The following CR1 variants were observed in gnomAD, a reference collection of about 807,000 sequenced individuals.
CR1 encodes the protein complement receptor type 1.
CR1 carries 116 observed loss-of-function variants against 187.3 expected under a neutral mutation model. That is an observed-to-expected ratio of 0.62 (90% CI 0.53 to 0.72). The LOEUF is 0.72. Ranked by LOEUF, CR1 falls within the 30% of genes least tolerant of loss-of-function variation. The pLI is 0.00. For missense variants in CR1, 1,731 were observed against 2,110.7 expected (o/e 0.82, Z 3.52); for synonymous variants, 576 against 747.1 (o/e 0.77, Z 3.73).
At chr1:207,581,523 T>G in intron 31 of CR1, among the ~76,000 whole-genome samples, 1 of 149,122 alleles carries the variant, frequency 6.7e-6, no homozygotes, top group East Asian at 1.9e-4. Context: ...ATTCTAGGGG[T>G]TGTTAAGAAA....
At chr1:207,605,066 C>T (rs1297424362) in intron 35 of CR1, among the ~76,000 whole-genome samples, 1 of 152,006 alleles carries the variant, frequency 6.6e-6, no homozygotes, top group Admixed American at 6.6e-5. Context: ...AGAAACTAGG[C>T]TGGGCAAAAT....
rs530217946 is a variant in CR1, at chr1:207,618,715, G to A, written c.7066+468G>A. ...GAAGATGAAGGATGTACTGATGGCT[G>A]GGCAGAAAAAGAAAGTAAAACAAAG... On this transcript the variant is annotated intron_variant, in intron 42 of 46. Coordinates refer to ENST00000367049, the MANE Select transcript of CR1 (RefSeq NM_000651.6). Among the ~76,000 whole-genome samples, 259 of 152,106 alleles carry A rather than the reference G, an allele frequency of 1.7e-3. 1 individual carries two copies. Among genetic ancestry groups the A allele is most frequent in the African/African-American group, 5.9e-3 (243 of 41,486 alleles).
At chr1:207,637,994 T>C (rs907231200) in intron 46 of CR1, among the ~76,000 whole-genome samples, 2 of 152,256 alleles carry the variant, frequency 1.3e-5, no homozygotes, top group African/African-American at 4.8e-5. Flanking sequence ...CTGTTCTTTT[T>C]ACCAGTAAAA....
At chr1:207,567,555 C>T (rs375672780) in intron 24 of CR1, among the ~76,000 whole-genome samples, 6 of 150,280 alleles carry the variant, frequency 4.0e-5, no homozygotes, top group South Asian at 2.1e-4. Flanking sequence ...TATTTTTCTT[C>T]TTCAAATGTT....
rs750099956 is a variant in CR1 at position 207,618,263 on chromosome 1, G to A, written c.7066+16G>A. 69 of 1,610,938 alleles carry A rather than the reference G, an allele frequency of 4.3e-5. No individual in the cohort carries two copies. Among genetic ancestry groups the A allele is most frequent in the Non-Finnish European group, 5.8e-5 (68 of 1,178,068 alleles). On this transcript the variant is annotated intron_variant, in intron 42 of 46. Transcript: ENST00000367049. Reference sequence around the variant, plus strand: ...TATTGCAAAGGTGACTTATTTCTTGGTATTCCTTATTCTTGCTGGGTTGTA... The same window carrying A: ...TATTGCAAAGGTGACTTATTTCTTGATATTCCTTATTCTTGCTGGGTTGTA...
chr1:207,593,286 G>C lies in CR1; in HGVS notation c.5810+4512G>C, dbSNP rs566838471. Among the ~76,000 whole-genome samples, 250 of 152,074 alleles carry C rather than the reference G, an allele frequency of 1.6e-3. 3 individuals carry two copies. The highest frequency in any genetic ancestry group is 6.0e-3 in the African/African-American group (247 of 41,494). On this transcript the variant is annotated intron_variant, in intron 35 of 46. Transcript: ENST00000367049. ...TATAGACCAATGGAACAGAACAGAG[G>C]CCTCAGAAATAATGCCACACATCTA... is the stretch of plus-strand genomic sequence containing the variant.
At chr1:207,518,798 C>G (rs1006067928) in intron 4 of CR1, among the ~76,000 whole-genome samples, 1 of 152,186 alleles carries the variant, frequency 6.6e-6, no homozygotes, top group Non-Finnish European at 1.5e-5. Context: ...CCAGAATGGT[C>G]ACAGCTCGAG....
chr1:207,611,639 C>T (rs769324403), intron 37 of CR1, 38 bp from the exon 38 acceptor site: 2 of 1,609,452 alleles, frequency 1.2e-6, no homozygotes, highest in Non-Finnish European at 1.7e-6. Context: ...GAAATTGCCC[C>T]ATATCTAACA....
At chr1:207,608,227 G>A (rs867244524) in intron 36 of CR1, among the ~76,000 whole-genome samples, 52 of 152,104 alleles carry the variant, frequency 3.4e-4, no homozygotes, top group African/African-American at 2.4e-4. Context: ...TCAGTTTTTC[G>A]GAAAGGTAAA....
chr1:207,611,989 C>T lies in CR1; in HGVS notation c.6523C>T (p.Leu2175Phe), dbSNP rs765521072. 1.2e-5 allele frequency: 20 copies of T among 1,613,890 alleles called. No individual in the cohort carries two copies. Among genetic ancestry groups the T allele is most frequent in the Non-Finnish European group, 1.7e-5 (20 of 1,179,910 alleles). Residue 2175 changes from leucine (L) to phenylalanine (F), a missense_variant, in exon 39 of 47, where the codon CTT (leucine) becomes TTT (phenylalanine). Around this residue, in one of 5 missense-constraint regions of CR1, gnomAD observed 1,312 missense variants for 1,379.6 expected, o/e 0.95. Transcript: ENST00000367049. ...CCAACTCCCTCATGGCCGTGTGCTA[C>T]TTCCACTTAATCTCCAGCTTGGGGC... Reference protein sequence around the residue: ...LGQLPHGRVLLPLNLQLGAKV... With the variant: ...LGQLPHGRVLFPLNLQLGAKV...
chr1:207,634,774 A>C (rs1450228945), intron 46 of CR1, among the ~76,000 whole-genome samples: 1 of 152,170 alleles, frequency 6.6e-6, no homozygotes, highest in Non-Finnish European at 1.5e-5. Context: ...TAAGTAGAAG[A>C]GGAGGACATG....
At chr1:207,613,057 A>G (rs1376446822) in intron 39 of CR1, among the ~76,000 whole-genome samples, 1 of 152,154 alleles carries the variant, frequency 6.6e-6, no homozygotes, top group Non-Finnish European at 1.5e-5. Flanking sequence ...CCCACAGCAG[A>G]GGGCGGAGGG....
At chr1:207,636,222 T>C (rs1662807889) in intron 46 of CR1, among the ~76,000 whole-genome samples, 1 of 152,112 alleles carries the variant, frequency 6.6e-6, no homozygotes, top group Non-Finnish European at 1.5e-5. Flanking sequence ...TCGTAGTACT[T>C]CCGATGGTCT....
At chr1:207,637,802 T>G (rs1275560959) in intron 46 of CR1, among the ~76,000 whole-genome samples, 1 of 152,174 alleles carries the variant, frequency 6.6e-6, no homozygotes, top group Non-Finnish European at 1.5e-5. Context: ...GCGGTGGCGC[T>G]TTTCTTTGCA....
chr1:207,613,963 G>T (rs1239834782), intron 39 of CR1, among the ~76,000 whole-genome samples: 1 of 152,082 alleles, frequency 6.6e-6, no homozygotes, highest in Admixed American at 6.5e-5. Context: ...GATGTTCCTG[G>T]CTTTGCTTAC....
intron 33 of CR1, among the ~76,000 whole-genome samples, chr1:207,585,740 A>G (rs1661094184): frequency 6.6e-6 from 1 of 152,214 alleles, no homozygotes; most frequent in Non-Finnish European, 1.5e-5. Context: ...GAATGCAGTA[A>G]ATTTTTTTAA....
intron 24 of CR1, among the ~76,000 whole-genome samples, chr1:207,567,498 C>T (rs1420696912): frequency 2.7e-5 from 4 of 150,322 alleles, no homozygotes; most frequent in East Asian, 1.9e-4. Flanking sequence ...GATAAGTGCT[C>T]AATTAATATA....
chr1:207,601,088 A>C (rs1299224731), intron 35 of CR1, among the ~76,000 whole-genome samples: 1 of 152,098 alleles, frequency 6.6e-6, no homozygotes. Flanking sequence ...TTAATAAAGT[A>C]ATGAACAAAG....
chr1:207,567,742 C>T (rs1660548385), intron 24 of CR1, 82 bp from the exon 25 acceptor site: 3 of 1,550,902 alleles, frequency 1.9e-6, no homozygotes. Context: ...TTTTCAGCAA[C>T]ACCAATCATA....
Sources: allele counts gnomAD v4.1 joint callset (sites outside exome capture counted in the v4.1 genomes callset), GRCh38; gene constraint gnomAD v4.1.1; regional missense constraint gnomAD v4.1.1; transcripts MANE v1.5; gene names NCBI Gene and HGNC (gene_info 2026-07-23, HGNC 2026-07-21).